VAT1L: variants seen among roughly 807,000 people sequenced by gnomAD.
VAT1L encodes the protein putative NADPH-dependent quinone oxidoreductase VAT1L.
VAT1L carries 34 observed loss-of-function variants against 44.1 expected under a neutral mutation model. The observed-to-expected ratio is 0.77, with a 90% confidence interval of 0.59 to 1.03. VAT1L has a LOEUF of 1.03. Among genes scored for constraint, VAT1L ranks in the 50% least tolerant of loss-of-function variants. The pLI is 0.00. For missense variants in VAT1L, 615 were observed against 538.8 expected, an observed-to-expected ratio of 1.14 and a Z score of -1.40; for synonymous variants, 253 against 202.2, an observed-to-expected ratio of 1.25 and a Z score of -2.13.
chr16:77,908,356 G>C (rs1049930773), intron 7 of VAT1L, among the ~76,000 whole-genome samples: 1 of 151,334 alleles, frequency 6.6e-6, no homozygotes, highest in African/African-American at 2.4e-5. Context: ...CTGCTACTTG[G>C]GAGGCTGAGG....
At chr16:77,847,660 T>G (rs1205837887) in intron 3 of VAT1L, among the ~76,000 whole-genome samples, 1 of 152,202 alleles carries the variant, frequency 6.6e-6, no homozygotes, top group Admixed American at 6.5e-5. Context: ...GAAATTCTTC[T>G]TGTGCACATG....
rs374055734 is a variant in VAT1L, at chr16:77,825,351, G to A, written c.469G>A (p.Glu157Lys). The A allele has an allele frequency of 8.1e-6, 13 of 1,614,034 alleles. No individual in the cohort carries two copies. Among genetic ancestry groups the A allele is most frequent in the African/African-American group, 6.7e-5 (5 of 74,924 alleles). ...YKIPDDMSFS[E>K]AAAFPMNFVT... is the part of the protein sequence containing the mutation. ...GATCCCGGATGACATGAGCTTCTCC[G>A]AGGCTGCTGCATTCCCCATGAACTT... The change falls in exon 3 of 9, where the codon GAG (glutamate) becomes AAG (lysine). Residue 157 changes from glutamate (E) to lysine (K), a missense_variant. Transcript: ENST00000302536.
chr16:77,969,127 T>C (rs1281132458), intron 7 of VAT1L, among the ~76,000 whole-genome samples: 2 of 152,190 alleles, frequency 1.3e-5, no homozygotes, highest in Non-Finnish European at 2.9e-5. Context: ...CCTGATATTA[T>C]TATCTTTAAA....
At chr16:77,957,424 A>T (rs906120900) in intron 7 of VAT1L, among the ~76,000 whole-genome samples, 1 of 152,200 alleles carries the variant, frequency 6.6e-6, no homozygotes, top group Non-Finnish European at 1.5e-5. Context: ...AAGCCAAAAA[A>T]AAGTTTAAAA....
At chr16:77,845,078 G>C (rs1367278301) in intron 3 of VAT1L, among the ~76,000 whole-genome samples, 2 of 152,070 alleles carry the variant, frequency 1.3e-5, no homozygotes, top group African/African-American at 2.4e-5. Flanking sequence ...TAAGTCATTG[G>C]AAGAGCATTT....
At chr16:77,809,099 C>G (rs2016218325) in intron 1 of VAT1L, among the ~76,000 whole-genome samples, 1 of 152,218 alleles carries the variant, frequency 6.6e-6, no homozygotes, top group East Asian at 1.9e-4. Context: ...AGCACAGGCT[C>G]TGGATTTACA....
intron 7 of VAT1L, among the ~76,000 whole-genome samples, chr16:77,970,042 C>A (rs2018262157): frequency 2.7e-5 from 3 of 110,244 alleles, no homozygotes; most frequent in South Asian, 3.5e-4. Flanking sequence ...GGCAAAACCA[C>A]ATCTCTACTA....
chr16:77,954,859 G>C (rs932766964), intron 7 of VAT1L, among the ~76,000 whole-genome samples: 4 of 152,182 alleles, frequency 2.6e-5, no homozygotes, highest in African/African-American at 9.7e-5. Context: ...AAGAGGCCTA[G>C]GGTGAGGCCA....
At position 77,821,190 on chromosome 16, in the gene VAT1L, C is replaced by T. The variant is rs999618797; in HGVS notation, c.364-4056C>T. Among the ~76,000 whole-genome samples the T allele has an allele frequency of 3.3e-5, 5 of 152,272 alleles. No homozygotes were observed. The East Asian group carries it at 5.8e-4, about 18-fold the overall frequency. The stretch of plus-strand genomic sequence containing the variant: ...CCCAGCCTCTGCCCTCTAAGATCTC[C>T]CCATTTAGAGAGGGAGCTAGTCATG... On this transcript the variant is annotated intron_variant, in intron 2 of 8. Coordinates refer to ENST00000302536, the MANE Select transcript of VAT1L (RefSeq NM_020927.3).
At chr16:77,950,817 A>G (rs527963820) in intron 7 of VAT1L, among the ~76,000 whole-genome samples, 1 of 152,354 alleles carries the variant, frequency 6.6e-6, no homozygotes, top group East Asian at 1.9e-4. Flanking sequence ...AACATAAGGA[A>G]AGGATCCATT....
intron 5 of VAT1L, among the ~76,000 whole-genome samples, chr16:77,878,352 T>C (rs1388800138): frequency 6.6e-6 from 1 of 152,126 alleles, no homozygotes; most frequent in Non-Finnish European, 1.5e-5. Context: ...ATAACTCCTC[T>C]CTGAGAAGAA....
chr16:77,958,000 C>T (rs1184616370), intron 7 of VAT1L, among the ~76,000 whole-genome samples: 1 of 152,042 alleles, frequency 6.6e-6, no homozygotes, highest in East Asian at 1.9e-4. Context: ...CTCTGCCCAC[C>T]AGATTCAAGT....
chr16:77,935,393 G>A (rs1263003270), intron 7 of VAT1L, among the ~76,000 whole-genome samples: 2 of 151,580 alleles, frequency 1.3e-5, no homozygotes, highest in Non-Finnish European at 1.5e-5. Context: ...TGGGAAATAC[G>A]AGGTGAGCAT....
chr16:77,847,487 G>A (rs879461591), intron 3 of VAT1L, among the ~76,000 whole-genome samples: 3 of 152,188 alleles, frequency 2.0e-5, no homozygotes, highest in Non-Finnish European at 2.9e-5. Flanking sequence ...ACCCATGGGT[G>A]CATTTCATTT....
At chr16:77,953,001 T>G (rs2142525963) in intron 7 of VAT1L, among the ~76,000 whole-genome samples, 1 of 152,128 alleles carries the variant, frequency 6.6e-6, no homozygotes, top group East Asian at 1.9e-4. Context: ...TTGCAGATAT[T>G]TAAAACGAGG....
intron 7 of VAT1L, among the ~76,000 whole-genome samples, chr16:77,886,590 G>A (rs1207146267): frequency 2.0e-5 from 3 of 152,182 alleles, no homozygotes; most frequent in African/African-American, 7.2e-5. Flanking sequence ...ACAACTATGT[G>A]CCCAGTACTG....
At chr16:77,848,725 C>T (rs929374558) in intron 3 of VAT1L, among the ~76,000 whole-genome samples, 8 of 152,152 alleles carry the variant, frequency 5.3e-5, no homozygotes, top group Admixed American at 1.3e-4. Context: ...AACATGCCAC[C>T]TCATGTTCCC....
At chr16:77,977,564 C>T (rs778981330) in intron 8 of VAT1L, 33 bp from the exon 9 acceptor site, 4 of 1,608,804 alleles carry the variant, frequency 2.5e-6, no homozygotes, top group Non-Finnish European at 3.4e-6. Flanking sequence ...CTGGGTTGCA[C>T]AACCCTCAAT....
intron 1 of VAT1L, among the ~76,000 whole-genome samples, chr16:77,791,451 C>G (rs577657587): frequency 4.6e-5 from 7 of 152,062 alleles, no homozygotes; most frequent in Admixed American, 6.6e-5. Context: ...TATCATGGAC[C>G]CTTTTTCATT....
Sources: gnomAD v4.1 joint callset for allele counts (sites outside exome capture counted in the v4.1 genomes callset) on GRCh38, gnomAD v4.1.1 for gene constraint, MANE v1.5 for transcripts, NCBI Gene and HGNC (gene_info 2026-07-23, HGNC 2026-07-21) for gene names.